Variants in ARG2 observed in about 807,000 individuals in gnomAD.
ARG2 encodes arginase-2, mitochondrial.
A neutral mutation model predicts 39.4 loss-of-function variants in ARG2; 21 were observed. The ratio of observed to expected loss-of-function variants is 0.53; its 90% CI spans 0.38 to 0.77. ARG2 has a LOEUF of 0.77. Ranked by LOEUF, ARG2 falls within the 30% of genes least tolerant of loss-of-function variation. ARG2 has a pLI of 0.00. For missense variants in ARG2, 378 were observed against 426.2 expected (o/e 0.89, Z 1.00); for synonymous variants, 150 against 156.7 (o/e 0.96, Z 0.32).
At chr14:67,634,708 G>A (rs2036952544) in intron 2 of ARG2, among the ~76,000 whole-genome samples, 1 of 152,038 alleles carries the variant, frequency 6.6e-6, no homozygotes, top group Non-Finnish European at 1.5e-5. Context: ...CTTCAAGTAA[G>A]GCTGACCTCT....
chr14:67,622,431 G>T (rs540844382), intron 2 of ARG2, among the ~76,000 whole-genome samples: 28 of 152,152 alleles, frequency 1.8e-4, no homozygotes, highest in Non-Finnish European at 3.5e-4. Context: ...TATGGATATG[G>T]TGACATGGAT....
At chr14:67,637,410 CAAAAAAAAA>C (rs34746542) in intron 2 of ARG2, among the ~76,000 whole-genome samples, 7 of 103,612 alleles carry the variant, frequency 6.8e-5, no homozygotes, top group Admixed American at 2.1e-4. Context: ...GACTCTGTCT[CAAAAAAAAA>C]AAAAAAAAAA....
intron 2 of ARG2, among the ~76,000 whole-genome samples, chr14:67,641,953 T>A (rs2037036056): frequency 6.6e-6 from 1 of 152,246 alleles, no homozygotes; most frequent in African/African-American, 2.4e-5. Flanking sequence ...TTAACCATTT[T>A]TTTATTGTTG....
Position 67,639,846 on chromosome 14 carries a change from A to C in ARG2, c.185-2340A>C, listed in dbSNP as rs192855940. ...AGGCTGAGGTAGGAGAATTGCTTGA[A>C]TCCAGGAAGTGGAGGTTGCAGTGAG... On this transcript the variant is annotated intron_variant, in intron 2 of 7. Coordinates refer to ENST00000261783, the MANE Select transcript of ARG2 (RefSeq NM_001172.4). 2.0e-3 allele frequency among the ~76,000 whole-genome samples: 297 copies of C among 150,754 alleles called. 3 individuals are homozygous for C. Among genetic ancestry groups the C allele is most frequent in the African/African-American group, 6.9e-3 (285 of 41,022 alleles).
At chr14:67,634,179 C>G (rs564512562) in intron 2 of ARG2, among the ~76,000 whole-genome samples, 1 of 152,266 alleles carries the variant, frequency 6.6e-6, no homozygotes, top group South Asian at 2.1e-4. Context: ...TTTTCCCAAA[C>G]CAGTATTTTG....
intron 3 of ARG2, among the ~76,000 whole-genome samples, chr14:67,644,951 T>C (rs1594829076): frequency 6.6e-6 from 1 of 150,890 alleles, no homozygotes; most frequent in Non-Finnish European, 1.5e-5. Context: ...TGAGCTGAGA[T>C]TGCGCCACTG....
intron 2 of ARG2, among the ~76,000 whole-genome samples, chr14:67,639,906 T>C (rs1342228808): frequency 1.7e-5 from 2 of 119,250 alleles, no homozygotes; most frequent in African/African-American, 6.7e-5. Context: ...GCCTGCATGA[T>C]AGCGCAAGAC....
chr14:67,648,001 C>G, intron 6 of ARG2, 46 bp from the exon 7 acceptor site: 2 of 1,524,332 alleles, frequency 1.3e-6, no homozygotes, highest in Non-Finnish European at 1.8e-6. Flanking sequence ...CAAGGACAAC[C>G]AGTTAAGTAT....
At chr14:67,647,097 A>G in intron 6 of ARG2, 72 bp downstream of exon 6, 1 of 990,570 alleles carries the variant, frequency 1.0e-6, no homozygotes, top group Non-Finnish European at 1.6e-6. Context: ...TCTTGAGGAC[A>G]GCAGCTTTAC....
At chr14:67,630,666 G>A (rs1454147974) in intron 2 of ARG2, among the ~76,000 whole-genome samples, 1 of 152,094 alleles carries the variant, frequency 6.6e-6, no homozygotes, top group Admixed American at 6.5e-5. Flanking sequence ...TGCAACCTCC[G>A]CCTCCCAGGT....
intron 3 of ARG2, 30 bp from the exon 4 acceptor site, chr14:67,645,613 G>C (rs776814084): frequency 6.2e-7 from 1 of 1,600,464 alleles, no homozygotes; most frequent in Non-Finnish European, 8.5e-7. Context: ...CCAAGCAGAG[G>C]GCCTTCAAGA....
intron 2 of ARG2, among the ~76,000 whole-genome samples, chr14:67,621,454 CT>C (rs551156183): frequency 4.3e-4 from 62 of 145,474 alleles, no homozygotes; most frequent in African/African-American, 3.5e-4. Flanking sequence ...TTTCCGTGTT[CT>C]TTTTTTTTTT....
Position 67,645,818 on chromosome 14 carries a change from C to T in ARG2, c.522+16C>T, listed in dbSNP as rs201462969. 176 of 1,612,324 alleles carry T rather than the reference C, an allele frequency of 1.1e-4. No individual in the cohort carries two copies. In the Middle Eastern group the frequency reaches 2.0e-3, roughly 18 times the overall value. ...ACAGGATAAGGTCAGTGGGCCAAAA[C>T]GAAAAGAAAGGTGAATGGCTTGCAG... On this transcript the variant is annotated intron_variant, in intron 4 of 7. Coordinates refer to ENST00000261783, the MANE Select transcript of ARG2 (RefSeq NM_001172.4).
chr14:67,624,773 CTT>C (rs1364450099), intron 2 of ARG2, among the ~76,000 whole-genome samples: 1 of 152,212 alleles, frequency 6.6e-6, no homozygotes, highest in East Asian at 1.9e-4. Flanking sequence ...TCAGAATCAG[CTT>C]TTTCAGAACT....
chr14:67,622,266 A>C (rs2036818584), intron 2 of ARG2, among the ~76,000 whole-genome samples: 1 of 152,222 alleles, frequency 6.6e-6, no homozygotes, highest in Non-Finnish European at 1.5e-5. Flanking sequence ...ATAATAACAC[A>C]TAATCTAAGT....
chr14:67,645,481 T>C (rs1566805076), intron 3 of ARG2, among the ~76,000 whole-genome samples, 162 bp from the exon 4 acceptor site: 1 of 152,210 alleles, frequency 6.6e-6, no homozygotes, highest in Non-Finnish European at 1.5e-5. Flanking sequence ...AGATTAATTT[T>C]TGAGAACTAC....
intron 7 of ARG2, chr14:67,648,645 T>C (rs1301300981): frequency 6.5e-6 from 1 of 153,024 alleles, no homozygotes; most frequent in African/African-American, 2.4e-5. Context: ...GGGTAGGTCT[T>C]GTACTAGAGC....
chr14:67,648,381 C>T, intron 7 of ARG2, 198 bp downstream of exon 7: 1 of 464,766 alleles, frequency 2.2e-6, no homozygotes, highest in Non-Finnish European at 3.7e-6. Flanking sequence ...ATGGCTCTTA[C>T]CAAATTACAC....
intron 6 of ARG2, 82 bp downstream of exon 6, chr14:67,647,107 C>T (rs2037110343): frequency 1.1e-6 from 1 of 912,076 alleles, no homozygotes; most frequent in Middle Eastern, 2.2e-4. Flanking sequence ...AGCAGCTTTA[C>T]TTTTAAAATA....
Sources: gnomAD v4.1 joint callset for allele counts (sites outside exome capture counted in the v4.1 genomes callset) on GRCh38, gnomAD v4.1.1 for gene constraint, MANE v1.5 for transcripts, NCBI Gene and HGNC (gene_info 2026-07-23, HGNC 2026-07-21) for gene names.